PLCH1: variants seen among roughly 807,000 people sequenced by gnomAD.
PLCH1 encodes 1-phosphatidylinositol 4,5-bisphosphate phosphodiesterase eta-1.
In PLCH1, 60 loss-of-function variants were observed where a neutral mutation model predicts 126.7. The observed-to-expected ratio is 0.47, with a 90% CI of 0.38 to 0.59. PLCH1 has a LOEUF of 0.59. PLCH1 is among the 20% of genes least tolerant of loss of function. PLCH1 has a pLI of 0.00. For synonymous variants in PLCH1, 719 were observed against 734.9 expected (o/e 0.98, Z 0.35); for missense variants, 1,723 against 2,040.0 (o/e 0.84, Z 2.99).
chr3:155,487,994 T>C (rs1560056345), intron 21 of PLCH1, 34 bp downstream of exon 21: 1 of 1,188,190 alleles, frequency 8.4e-7, no homozygotes, highest in African/African-American at 1.5e-5. Flanking sequence ...ACCATATTAA[T>C]GTATATGACT....
chr3:155,638,667 T>C (rs547032116), intron 2 of PLCH1, among the ~76,000 whole-genome samples: 1 of 152,374 alleles, frequency 6.6e-6, no homozygotes, highest in East Asian at 1.9e-4. Context: ...AGCTGCCATG[T>C]TTATAATCTT....
At chr3:155,488,195 A>G in intron 20 of PLCH1, 88 bp from the exon 21 acceptor site, 1 of 738,276 alleles carries the variant, frequency 1.4e-6, no homozygotes, top group African/African-American at 1.8e-5. Context: ...ATCTGACTTG[A>G]CTGTAGTTCT....
intron 1 of PLCH1, chr3:155,743,027 A>G: frequency 1.1e-5 from 3 of 263,890 alleles, no homozygotes; most frequent in South Asian, 1.0e-4. Context: ...ATTAGCATTT[A>G]TGTTAATTCT....
chr3:155,482,865 C>G lies in PLCH1; in HGVS notation c.3161G>C (p.Arg1054Thr). ...GGCATTTGATGTGGTTCTCCCACCC[C>G]TAGGACTTGACATGCCCAGCTGTTC... ...TGEQLGMSSP[R>T]GGRTTSNATS... The change falls in exon 23 of 23, where the codon AGG (arginine) becomes ACG (threonine). Residue 1054 changes from arginine to threonine, a missense_variant. This residue lies in a region of PLCH1 where 947 missense variants were observed against 977.1 expected (regional missense o/e 0.97). Coordinates refer to ENST00000460012, the MANE Select transcript of PLCH1 (RefSeq NM_014996.4). The G allele has an allele frequency of 6.2e-7, 1 of 1,614,136 alleles. No homozygotes were observed. Among genetic ancestry groups the G allele is most frequent in the African/African-American group, 1.3e-5 (1 of 75,024 alleles).
At chr3:155,469,648 A>G (rs1211865301) in intron 21 of PLCH1, among the ~76,000 whole-genome samples, 2 of 152,258 alleles carry the variant, frequency 1.3e-5, no homozygotes, top group South Asian at 4.1e-4. Context: ...AAAAGACAGC[A>G]GTAACCTCTG....
chr3:155,691,676 A>G (rs1283654422), intron 2 of PLCH1, among the ~76,000 whole-genome samples: 1 of 152,130 alleles, frequency 6.6e-6, no homozygotes, highest in Non-Finnish European at 1.5e-5. Flanking sequence ...TAGACAAATA[A>G]ACACAATTCT....
chr3:155,574,271 C>T (rs1729639310), intron 6 of PLCH1, among the ~76,000 whole-genome samples: 1 of 152,080 alleles, frequency 6.6e-6, no homozygotes, highest in South Asian at 2.1e-4. Flanking sequence ...AGTTGCCCTG[C>T]TACAAGGGTT....
At position 155,659,302 on chromosome 3, in the gene PLCH1, C is replaced by CTTTTTTTTTTTTTTTTTTT. The variant is rs753258422; in HGVS notation, c.79+44825_79+44843dup. Among the ~76,000 whole-genome samples, 3 of 30,848 alleles carry CTTTTTTTTTTTTTTTTTTT rather than the reference C, an allele frequency of 9.7e-5. 1 individual carries two copies. The highest frequency in any genetic ancestry group is 2.7e-4 in the African/African-American group (3 of 11,162). The allele number at this position is 30,848 out of a possible 152,430, so 20.2% of individuals were successfully genotyped here. A position where few individuals can be genotyped will look rare whatever the true frequency, so the allele number is the denominator to read the frequency against. On this transcript the variant is annotated intron_variant, in intron 2 of 22. Coordinates refer to ENST00000460012, the MANE Select transcript of PLCH1 (RefSeq NM_014996.4). Reference sequence around the variant, plus strand: ...CCAGGCGTGAGATGTCTATTCACTTCTTTTTTTTTTTTTTTTTTTTTTTTT... The same window carrying CTTTTTTTTTTTTTTTTTTT: ...CCAGGCGTGAGATGTCTATTCACTTCTTTTTTTTTTTTTTTTTTTTTTTTTTTTTTTTTTTTTTTTTTTT...
In PLCH1 at chr3:155,482,091, G is replaced by C. The variant is rs143608009; in HGVS notation, c.3935C>G (p.Thr1312Ser). The change falls in exon 23 of 23, where the codon ACC becomes AGC. Residue 1312 changes from threonine (T) to serine (S), a missense_variant. By Grantham distance (58) the Thr-to-Ser change is moderately conservative (BLOSUM62 1). Around this residue, in one of 2 missense-constraint regions of PLCH1, gnomAD observed 947 missense variants for 977.1 expected, o/e 0.97. Transcript: ENST00000460012. ...TSRGWLPKSP[T>S]KGEDWETLKS... ...CAGTGTTTCCCAGTCTTCTCCCTTG[G>C]TAGGACTTTTTGGTAACCAGCCACG... 1.2e-4 allele frequency: 196 copies of C among 1,614,034 alleles called. No individual in the cohort carries two copies. Among genetic ancestry groups the C allele is most frequent in the Middle Eastern group, 1.6e-4 (1 of 6,084 alleles).
chr3:155,466,995 T>G (rs1034323720), intron 21 of PLCH1, among the ~76,000 whole-genome samples: 1 of 152,136 alleles, frequency 6.6e-6, no homozygotes, highest in African/African-American at 2.4e-5. Flanking sequence ...CTACAGGATC[T>G]AGAAAATAGC....
chr3:155,483,682 A>AT, intron 22 of PLCH1, among the ~76,000 whole-genome samples: 1 of 152,230 alleles, frequency 6.6e-6, no homozygotes, highest in Middle Eastern at 3.4e-3. Flanking sequence ...CTAATATCTA[A>AT]TTTTTTGTTA....
At chr3:155,567,705 T>C (rs561458777) in intron 7 of PLCH1, among the ~76,000 whole-genome samples, 19 of 152,188 alleles carry the variant, frequency 1.2e-4, no homozygotes, top group Non-Finnish European at 2.1e-4. Flanking sequence ...AGATTCTGGG[T>C]ATATAACTGT....
intron 12 of PLCH1, among the ~76,000 whole-genome samples, chr3:155,506,738 A>C (rs1408589303): frequency 6.9e-6 from 1 of 145,032 alleles, no homozygotes; most frequent in Non-Finnish European, 1.5e-5. Context: ...ACATTTTCTT[A>C]ATCCAGTCTA....
chr3:155,478,466 A>G (rs559581428), downstream of PLCH1, among the ~76,000 whole-genome samples: 40 of 152,292 alleles, frequency 2.6e-4, no homozygotes, highest in East Asian at 7.1e-3. Flanking sequence ...TCCATTCTCC[A>G]TGATGTGCTT....
At chr3:155,508,942 C>T (rs1322414215) in intron 12 of PLCH1, among the ~76,000 whole-genome samples, 3 of 102,358 alleles carry the variant, frequency 2.9e-5, no homozygotes, top group African/African-American at 1.6e-4. Flanking sequence ...CCAGTTCCTC[C>T]TTGTACCTCT....
intron 8 of PLCH1, among the ~76,000 whole-genome samples, chr3:155,562,336 T>C (rs1369734588): frequency 6.6e-6 from 1 of 152,222 alleles, no homozygotes; most frequent in Admixed American, 6.5e-5. Flanking sequence ...TGATGACAAC[T>C]TTCCACATTT....
chr3:155,580,309 C>G (rs185547752), intron 6 of PLCH1, among the ~76,000 whole-genome samples: 1 of 152,180 alleles, frequency 6.6e-6, no homozygotes, highest in East Asian at 1.9e-4. Context: ...TCACCAAATA[C>G]TTTGTACTTT....
At chr3:155,471,227 G>C (rs1713213101) in intron 21 of PLCH1, among the ~76,000 whole-genome samples, 1 of 152,124 alleles carries the variant, frequency 6.6e-6, no homozygotes, top group South Asian at 2.1e-4. Context: ...AAAGGATGGA[G>C]GAAGACCTAC....
chr3:155,630,605 T>G (rs1416087260), intron 2 of PLCH1, among the ~76,000 whole-genome samples: 1 of 152,224 alleles, frequency 6.6e-6, no homozygotes, highest in Non-Finnish European at 1.5e-5. Context: ...ATATACCGTC[T>G]ACATTTTCTT....
Sources: allele counts gnomAD v4.1 joint callset (sites outside exome capture counted in the v4.1 genomes callset), GRCh38; gene constraint gnomAD v4.1.1; regional missense constraint gnomAD v4.1.1; transcripts MANE v1.5; gene names NCBI Gene and HGNC (gene_info 2026-07-23, HGNC 2026-07-21).